Variants in FHIP1B observed in about 807,000 individuals in gnomAD.
The protein encoded by FHIP1B is FHF complex subunit HOOK-interacting protein 1B.
A neutral mutation model predicts 82.2 loss-of-function variants in FHIP1B; 28 were observed. The ratio of observed to expected loss-of-function variants is 0.34; its 90% CI spans 0.25 to 0.47. FHIP1B has a LOEUF of 0.47. Ranked by LOEUF, FHIP1B falls within the 20% of genes least tolerant of loss-of-function variation. The probability of loss-of-function intolerance (pLI) is 1.00; values close to 1 mark genes in which losing one functional copy is unlikely to be tolerated. For synonymous variants in FHIP1B, 585 were observed against 516.1 expected, an observed-to-expected ratio of 1.13 and a Z score of -1.81; for missense variants, 1,110 against 1,262.6, an observed-to-expected ratio of 0.88 and a Z score of 1.83.
In FHIP1B at chr11:6,217,803, G is replaced by A. The variant is rs755137939; in HGVS notation, c.1783C>T (p.Arg595Cys). The change falls in exon 9 of 12, where the codon CGC becomes TGC. Residue 595 changes from arginine to cysteine, a missense_variant. Coordinates refer to ENST00000449352, the MANE Select transcript of FHIP1B (RefSeq NM_001098794.2). ...CTGTCCTCCTCAGGCAGTAGGCTGCGTTTCTTAGTCCGGGAGCCAAAAGGA... is the reference window on the plus strand; with the variant it reads ...CTGTCCTCCTCAGGCAGTAGGCTGCATTTCTTAGTCCGGGAGCCAAAAGGA... ...PSPFGSRTKK[R>C]SLLPEEDRNN... 5.6e-6 allele frequency: 9 copies of A among 1,612,286 alleles called. No individual in the cohort carries two copies. In the Admixed American group the frequency reaches 6.7e-5, roughly 12 times the overall value.
rs780812920 is a variant in FHIP1B, at chr11:6,217,551, G to A, written c.2035C>T (p.Arg679Trp). The change falls in exon 9 of 12, where the codon CGG becomes TGG. Residue 679 changes from arginine (R) to tryptophan (W), a missense_variant. Around this residue, in one of 6 missense-constraint regions of FHIP1B, gnomAD observed 418 missense variants for 371.4 expected, o/e 1.13. Transcript: ENST00000449352. Reference protein sequence around the residue: ...AGLEGFGQELRELEVALSNGG... With the variant: ...AGLEGFGQELWELEVALSNGG... ...TTGCTCAATGCCACCTCTAGCTCCCGGAGCTCCTGCCCAAAGCCCTCTAGT... is the reference window on the plus strand; with the variant it reads ...TTGCTCAATGCCACCTCTAGCTCCCAGAGCTCCTGCCCAAAGCCCTCTAGT... The A allele has an allele frequency of 1.4e-5, 22 of 1,609,586 alleles. No individual in the cohort carries two copies. Among genetic ancestry groups the A allele is most frequent in the African/African-American group, 6.7e-5 (5 of 74,798 alleles).
At chr11:6,228,121 G>A (rs1433370805) in intron 1 of FHIP1B, among the ~76,000 whole-genome samples, 1 of 152,198 alleles carries the variant, frequency 6.6e-6, no homozygotes, top group East Asian at 1.9e-4. Flanking sequence ...GCCAAGGCAG[G>A]TAGATCACTT....
rs189056930 is a variant in FHIP1B, at chr11:6,229,983, A to G, written c.-192+4561T>C. On this transcript the variant is annotated intron_variant, in intron 1 of 11. Transcript: ENST00000449352. ...TCCTCCCATAGCAAAGTCCAAAAAA[A>G]AAAAAAAAAAGCAGAACCTGCCACT... Among the ~76,000 whole-genome samples the G allele has an allele frequency of 8.2e-4, 125 of 152,126 alleles. 1 individual carries two copies. The East Asian group carries it at 0.016, about 20-fold the overall frequency.
At chr11:6,231,668 A>ATTG (rs1397051259) in intron 1 of FHIP1B, among the ~76,000 whole-genome samples, 57 of 151,436 alleles carry the variant, frequency 3.8e-4, no homozygotes, top group African/African-American at 1.1e-3. Context: ...TGGTGGTTTT[A>ATTG]TTGTCGTTGT....
intron 7 of FHIP1B, 82 bp downstream of exon 7, chr11:6,218,889 C>T (rs1298284208): frequency 6.4e-7 from 1 of 1,567,712 alleles, no homozygotes; most frequent in East Asian, 2.2e-5. Context: ...TGAGTAACCC[C>T]TATATAGCCC....
At position 6,218,018 on chromosome 11, in the gene FHIP1B, G is replaced by A. The variant is rs745664782; in HGVS notation, c.1568C>T (p.Ser523Leu). 14 of 1,613,564 alleles carry A rather than the reference G, an allele frequency of 8.7e-6. No individual in the cohort carries two copies. The highest frequency in any genetic ancestry group is 1.2e-5 in the Non-Finnish European group (14 of 1,179,846). Reference protein sequence around the residue: ...GSESPGPAPCSPGLSASPASS... With the variant: ...GSESPGPAPCLPGLSASPASS... ...GGCGGGGGATGCAGAAAGCCCTGGT[G>A]AGCAAGGGGCTGGGCCTGGAGACTC... Residue 523 changes from serine (S) to leucine (L), a missense_variant, in exon 9 of 12, where the codon TCA (serine) becomes TTA (leucine). By Grantham distance (145) the Ser-to-Leu change is moderately radical. Transcript: ENST00000449352.
intron 1 of FHIP1B, among the ~76,000 whole-genome samples, chr11:6,232,879 G>A (rs1847733464): frequency 6.6e-6 from 1 of 151,280 alleles, no homozygotes; most frequent in African/African-American, 2.4e-5. Context: ...ACCATCTACT[G>A]TTACCATTAC....
chr11:6,211,490 T>C lies in FHIP1B; in HGVS notation c.*16A>G, dbSNP rs1306569718. ...AGCCCGGGCCACCCATGGCCCTGATTGTCCATGGAAGAAAGTTAAGGATTG... is the reference window on the plus strand; with the variant it reads ...AGCCCGGGCCACCCATGGCCCTGATCGTCCATGGAAGAAAGTTAAGGATTG... On this transcript the variant is annotated 3_prime_UTR_variant, in exon 12 of 12. Coordinates refer to ENST00000449352, the MANE Select transcript of FHIP1B (RefSeq NM_001098794.2). 6.4e-7 allele frequency: 1 copy of C among 1,556,436 alleles called. No homozygotes were observed. The highest frequency in any genetic ancestry group is 8.7e-7 in the Non-Finnish European group (1 of 1,155,362).
At chr11:6,218,892 T>C in intron 7 of FHIP1B, 79 bp downstream of exon 7, 2 of 1,569,314 alleles carry the variant, frequency 1.3e-6, no homozygotes, top group Admixed American at 1.7e-5. Context: ...GTAACCCCTA[T>C]ATAGCCCATT....
intron 8 of FHIP1B, 111 bp downstream of exon 8, chr11:6,218,489 T>C: frequency 7.3e-6 from 11 of 1,504,080 alleles, no homozygotes; most frequent in South Asian, 1.2e-5. Context: ...CAGACTATCA[T>C]TCATGGACAC....
At chr11:6,233,536 C>T (rs1847757036) in intron 1 of FHIP1B, among the ~76,000 whole-genome samples, 1 of 152,130 alleles carries the variant, frequency 6.6e-6, no homozygotes, top group Non-Finnish European at 1.5e-5. Flanking sequence ...ATGATGATTT[C>T]ACAGATGTGT....
chr11:6,218,183 G>A (rs969955785), intron 8 of FHIP1B, 33 bp from the exon 9 acceptor site: 8 of 1,584,096 alleles, frequency 5.1e-6, no homozygotes, highest in African/African-American at 1.4e-5. Flanking sequence ...AGAAATCAAG[G>A]AGACAGAGGT....
At position 6,211,641 on chromosome 11, in the gene FHIP1B, T is replaced by C. The variant is rs1847074763; in HGVS notation, c.2784A>G (p.Ala928=). ...ALRVKNAVYC[A]VIFPEFLKEL... ...CCTTGAGAAATTCAGGGAAAATGACTGCACAGTAGACAGCATTCTTGACTC... is the reference window on the plus strand; with the variant it reads ...CCTTGAGAAATTCAGGGAAAATGACCGCACAGTAGACAGCATTCTTGACTC... The change falls in exon 12 of 12, where the codon GCA becomes GCG. Residue 928 remains alanine (A), a synonymous_variant. Coordinates refer to ENST00000449352, the MANE Select transcript of FHIP1B (RefSeq NM_001098794.2). The C allele has an allele frequency of 6.2e-7, 1 of 1,614,216 alleles. No individual in the cohort carries two copies.
intron 1 of FHIP1B, among the ~76,000 whole-genome samples, chr11:6,228,276 G>A (rs112205559): frequency 0.018 from 2,728 of 152,256 alleles, 70 homozygotes; most frequent in African/African-American, 0.062. Flanking sequence ...CTTGAACCCA[G>A]GAGGCAGAGG....
At chr11:6,220,095 G>A (rs184576388) in intron 6 of FHIP1B, among the ~76,000 whole-genome samples, 187 of 152,258 alleles carry the variant, frequency 1.2e-3, no homozygotes, top group African/African-American at 3.2e-3. Context: ...CACCTCACGT[G>A]GCAGAGACGA....
rs774121103 is a variant in FHIP1B, at chr11:6,223,802, C to A, written c.585G>T (p.Glu195Asp). The A allele has an allele frequency of 6.2e-7, 1 of 1,614,184 alleles. No homozygotes were observed. Among genetic ancestry groups the A allele is most frequent in the Non-Finnish European group, 8.5e-7 (1 of 1,180,016 alleles). The part of the protein sequence containing the change: ...VCVAQEPSLL[E>D]FFLQPPPEPG... The stretch of plus-strand genomic sequence containing the variant: ...GCTCAGGAGGTGGCTGCAGGAAGAA[C>A]TCGAGCAATGAAGGCTCCTGGGCCA... Residue 195 changes from glutamate (E) to aspartate (D), a missense_variant, in exon 3 of 12, where the codon GAG becomes GAT. Glu to Asp is a conservative substitution (Grantham distance 45). This residue lies in a region of FHIP1B where 467 missense variants were observed against 602.9 expected (regional missense o/e 0.77). Transcript: ENST00000449352. The surrounding 1 kb of genome is among the most constrained non-coding windows in gnomAD (Gnocchi z 4.8).
At chr11:6,220,194 G>C (rs537116123) in intron 6 of FHIP1B, among the ~76,000 whole-genome samples, 1 of 152,128 alleles carries the variant, frequency 6.6e-6, no homozygotes, top group Non-Finnish European at 1.5e-5. Context: ...ATGGATGAAG[G>C]GGGGCCATGA....
At position 6,217,861 on chromosome 11, in the gene FHIP1B, G is replaced by C. The variant is rs750361793; in HGVS notation, c.1725C>G (p.Pro575=). The part of the protein sequence containing the change: ...CVRACRTWSA[P]YDGERPSPEP... Reference sequence around the variant, plus strand: ...CAGGAGAGGGCCGCTCGCCATCATAGGGGGCAGACCAGGTACGGCAGGCTC... The same window carrying C: ...CAGGAGAGGGCCGCTCGCCATCATACGGGGCAGACCAGGTACGGCAGGCTC... Residue 575 remains proline (P), a synonymous_variant, in exon 9 of 12, where the codon CCC becomes CCG. Transcript: ENST00000449352. The C allele has an allele frequency of 2.5e-6, 4 of 1,613,834 alleles. No homozygotes were observed. The highest frequency in any genetic ancestry group is 3.4e-6 in the Non-Finnish European group (4 of 1,180,024).
At chr11:6,219,088 A>T (rs1244600285) in intron 6 of FHIP1B, 38 bp from the exon 7 acceptor site, 1 of 1,518,330 alleles carries the variant, frequency 6.6e-7, no homozygotes, top group Admixed American at 1.8e-5. Flanking sequence ...TCACCATAAG[A>T]GCTCTCTGCC....
Sources: allele counts gnomAD v4.1 joint callset (sites outside exome capture counted in the v4.1 genomes callset), GRCh38; gene constraint gnomAD v4.1.1; regional missense constraint gnomAD v4.1.1; non-coding constraint Gnocchi (gnomAD v3.1); transcripts MANE v1.5; gene names NCBI Gene and HGNC (gene_info 2026-07-23, HGNC 2026-07-21).